Variants in NOLC1 observed in about 807,000 individuals in gnomAD.
NOLC1 encodes the protein 140 kDa nucleolar phosphoprotein.
A neutral mutation model predicts 73.4 loss-of-function variants in NOLC1; 37 were observed. That is an observed-to-expected ratio of 0.50 (90% CI 0.39 to 0.66). The LOEUF (loss-of-function observed/expected upper bound fraction) is 0.66, where lower values mean the gene tolerates loss of function less well. Ranked by LOEUF, NOLC1 falls within the 30% of genes least tolerant of loss-of-function variation. The probability of loss-of-function intolerance (pLI) is 0.00; values close to 1 mark genes in which losing one functional copy is unlikely to be tolerated. For missense variants in NOLC1, 921 were observed against 838.9 expected (o/e 1.10, Z -1.21); for synonymous variants, 327 against 302.6 (o/e 1.08, Z -0.84).
rs756861428 is a variant in NOLC1 at position 102,159,193 on chromosome 10, C to G, written c.608C>G (p.Ala203Gly). 3.7e-6 allele frequency: 6 copies of G among 1,613,250 alleles called. No homozygotes were observed. In the South Asian group the frequency reaches 6.6e-5, roughly 18 times the overall value. ...KAQTKAPPKP[A>G]RAAPKIANGK... is the part of the protein sequence containing the mutation. ...TCTTTCTTTTTCTTGGGTATTCCAG[C>G]TCGAGCAGCACCTAAAATAGCCAAT... The change falls in exon 6 of 13, where the codon GCT becomes GGT. Residue 203 changes from alanine (A) to glycine (G), a missense_variant and splice_region_variant. By Grantham distance (60) the Ala-to-Gly change is moderately conservative. Transcript: ENST00000605788.
rs752815448 is a variant in NOLC1, at chr10:102,161,592, A to G, written c.1778A>G (p.Lys593Arg). ...LKKRKQNEAA[K>R]EAETPQAKKI... ...AAGCGGAAGCAGAATGAGGCTGCCA[A>G]GGAGGCAGAGACTCCTCAGGCCAAG... Residue 593 changes from lysine to arginine, a missense_variant, in exon 11 of 13, where the codon AAG becomes AGG. Coordinates refer to ENST00000605788, the MANE Select transcript of NOLC1 (RefSeq NM_004741.5). 1.2e-5 allele frequency: 19 copies of G among 1,613,954 alleles called. No individual in the cohort carries two copies. Among genetic ancestry groups the G allele is most frequent in the Non-Finnish European group, 1.5e-5 (18 of 1,179,956 alleles).
In NOLC1 at chr10:102,160,290, C is replaced by G. The variant is rs969941546; in HGVS notation, c.1046C>G (p.Thr349Ser). 36 of 1,614,082 alleles carry G rather than the reference C, an allele frequency of 2.2e-5. No individual in the cohort carries two copies. The highest frequency in any genetic ancestry group is 3.1e-5 in the Non-Finnish European group (36 of 1,180,034). The change falls in exon 9 of 13, where the codon ACC (threonine) becomes AGC (serine). Residue 349 changes from threonine (T) to serine (S), a missense_variant. Coordinates refer to ENST00000605788, the MANE Select transcript of NOLC1 (RefSeq NM_004741.5). Reference protein sequence around the residue: ...PPTKAVVSKATTKPPPAKKAA... With the variant: ...PPTKAVVSKASTKPPPAKKAA... ...ACTAAGGCAGTAGTCTCTAAAGCAACCACTAAACCACCTCCAGCAAAGAAA... is the reference window on the plus strand; with the variant it reads ...ACTAAGGCAGTAGTCTCTAAAGCAAGCACTAAACCACCTCCAGCAAAGAAA...
chr10:102,157,544 C>A lies in NOLC1; in HGVS notation c.430C>A (p.Gln144Lys), dbSNP rs2069620498. 1.9e-6 allele frequency: 3 copies of A among 1,613,968 alleles called. No individual in the cohort carries two copies. Among genetic ancestry groups the A allele is most frequent in the Non-Finnish European group, 2.5e-6 (3 of 1,179,960 alleles). Reference sequence around the variant, plus strand: ...TGATGATGAGGAGGACCAAAAGAAACAGCCTGTCCAGGTTTGCAGCTTTGG... The same window carrying A: ...TGATGATGAGGAGGACCAAAAGAAAAAGCCTGTCCAGGTTTGCAGCTTTGG... The part of the protein sequence containing the change: ...DDDDEEDQKK[Q>K]PVQKGVKPQA... Residue 144 changes from glutamine (Q) to lysine (K), a missense_variant, in exon 4 of 13, where the codon CAG becomes AAG. By Grantham distance (53) the Gln-to-Lys change is moderately conservative (BLOSUM62 1). Transcript: ENST00000605788.
In NOLC1 at chr10:102,161,583, A is replaced by G. The variant is rs759736910; in HGVS notation, c.1769A>G (p.Glu590Gly). ...SGSLKKRKQN[E>G]AAKEAETPQA... Reference sequence around the variant, plus strand: ...TCATTAAAGAAGCGGAAGCAGAATGAGGCTGCCAAGGAGGCAGAGACTCCT... The same window carrying G: ...TCATTAAAGAAGCGGAAGCAGAATGGGGCTGCCAAGGAGGCAGAGACTCCT... The change falls in exon 11 of 13, where the codon GAG becomes GGG. Residue 590 changes from glutamate (E) to glycine (G), a missense_variant. Coordinates refer to ENST00000605788, the MANE Select transcript of NOLC1 (RefSeq NM_004741.5). 8.7e-6 allele frequency: 14 copies of G among 1,613,938 alleles called. No individual in the cohort carries two copies. Among genetic ancestry groups the G allele is most frequent in the Non-Finnish European group, 1.2e-5 (14 of 1,179,858 alleles).
Position 102,162,899 on chromosome 10 carries a change from CTGTTT to C in NOLC1, c.*635_*639del, listed in dbSNP as rs1374009831. On this transcript the variant is annotated 3_prime_UTR_variant, in exon 13 of 13. Coordinates refer to ENST00000605788, the MANE Select transcript of NOLC1 (RefSeq NM_004741.5). ...AACCTACTTTTTGGGATAAAATTCTCTGTTTTGTTACAGGCAAAATTCTGGTATGG... is the reference window on the plus strand; with the variant it reads ...AACCTACTTTTTGGGATAAAATTCTCTGTTACAGGCAAAATTCTGGTATGG... The C allele has an allele frequency of 6.6e-6, 1 of 152,170 alleles. No individual in the cohort carries two copies. Among genetic ancestry groups the C allele is most frequent in the Non-Finnish European group, 1.5e-5 (1 of 68,034 alleles). 9.4% of individuals were successfully genotyped at this position (152,170 alleles called of 1,614,324 possible). A position where few individuals can be genotyped will look rare whatever the true frequency, so the allele number is the denominator to read the frequency against.
chr10:102,154,511 ACT>A (rs1006322165), intron 1 of NOLC1, among the ~76,000 whole-genome samples: 7 of 151,436 alleles, frequency 4.6e-5, no homozygotes, highest in Non-Finnish European at 1.0e-4. Context: ...ATCTGTACTG[ACT>A]CTGATCATTT....
Position 102,152,530 on chromosome 10 carries a change from T to G in NOLC1, c.120T>G (p.Ala40=). 1.9e-6 allele frequency: 3 copies of G among 1,613,668 alleles called. No individual in the cohort carries two copies. Among genetic ancestry groups the G allele is most frequent in the Non-Finnish European group, 2.5e-6 (3 of 1,180,030 alleles). Residue 40 remains alanine (A), a splice_region_variant and synonymous_variant, in exon 1 of 13, where the codon GCT becomes GCG. Coordinates refer to ENST00000605788, the MANE Select transcript of NOLC1 (RefSeq NM_004741.5). The stretch of plus-strand genomic sequence containing the variant: ...ATAAGTTCGCCAAAGCGACAGGAGC[T>G]GTGAGTTCCGGGCTTGGGGCGGGGA... ...VANKFAKATG[A]TQQDANASSL...
At position 102,159,580 on chromosome 10, in the gene NOLC1, T is replaced by C. The variant is rs965655548; in HGVS notation, c.859+12T>C. 3 of 1,612,396 alleles carry C rather than the reference T, an allele frequency of 1.9e-6. 1 individual carries two copies. Among genetic ancestry groups the C allele is most frequent in the South Asian group, 2.2e-5 (2 of 90,962 alleles). The stretch of plus-strand genomic sequence containing the variant: ...GAAAAATAAACCAGGTGACTGGACA[T>C]GGGGAGCGAAGCTGTGTGACTGTGG... On this transcript the variant is annotated intron_variant, in intron 7 of 12. Coordinates refer to ENST00000605788, the MANE Select transcript of NOLC1 (RefSeq NM_004741.5).
chr10:102,153,475 A>G lies in NOLC1; in HGVS notation c.120+945A>G, dbSNP rs12412176. On this transcript the variant is annotated intron_variant, in intron 1 of 12. Coordinates refer to ENST00000605788, the MANE Select transcript of NOLC1 (RefSeq NM_004741.5). ...AGGGATGATAGCATGACTAGGAAGG[A>G]TGGCTTGCACTTTTAGCAGAATCAG... 7.9e-3 allele frequency among the ~76,000 whole-genome samples: 1,196 copies of G among 152,320 alleles called. 25 individuals are homozygous for G. Among genetic ancestry groups the G allele is most frequent in the East Asian group, 0.07 (364 of 5,178 alleles).
chr10:102,161,973 CAG>C, intron 12 of NOLC1, 48 bp downstream of exon 12: 3 of 1,602,530 alleles, frequency 1.9e-6, no homozygotes, highest in Non-Finnish European at 2.6e-6. Context: ...TGGGTAGTGT[CAG>C]AGAGGACAAT....
At position 102,157,546 on chromosome 10, in the gene NOLC1, G is replaced by A; in HGVS notation, c.432G>A (p.Gln144=). 1 of 1,613,986 alleles carries A rather than the reference G, an allele frequency of 6.2e-7. No individual in the cohort carries two copies. Among genetic ancestry groups the A allele is most frequent in the Non-Finnish European group, 8.5e-7 (1 of 1,179,960 alleles). Residue 144 remains glutamine (Q), a synonymous_variant, in exon 4 of 13, where the codon CAG becomes CAA. Transcript: ENST00000605788. ...DDDDEEDQKK[Q]PVQKGVKPQA... ...ATGATGAGGAGGACCAAAAGAAACA[G>A]CCTGTCCAGGTTTGCAGCTTTGGGA...
chr10:102,159,365 C>T (rs2069658764), intron 6 of NOLC1, 57 bp downstream of exon 6: 1 of 1,613,398 alleles, frequency 6.2e-7, no homozygotes, highest in Non-Finnish European at 8.5e-7. Context: ...GTGTGTGTGT[C>T]TTCCTTCCCT....
intron 1 of NOLC1, among the ~76,000 whole-genome samples, chr10:102,153,672 C>CTTTT (rs56074108): frequency 9.1e-5 from 8 of 88,164 alleles, no homozygotes; most frequent in African/African-American, 1.2e-4. Context: ...AATTAGGATT[C>CTTTT]TTTTTTTTTT....
chr10:102,158,402 G>C (rs1011295590), intron 5 of NOLC1, among the ~76,000 whole-genome samples, 188 bp downstream of exon 5: 1 of 152,134 alleles, frequency 6.6e-6, no homozygotes, highest in Admixed American at 6.5e-5. Flanking sequence ...AGTAAATAGA[G>C]AAAGTTATTG....
chr10:102,158,274 T>C, intron 5 of NOLC1, 60 bp downstream of exon 5: 1 of 1,493,858 alleles, frequency 6.7e-7, no homozygotes, highest in Admixed American at 1.9e-5. Context: ...GGACTGGAGT[T>C]AAAATTGCCG....
rs1244018822 is a variant in NOLC1, at chr10:102,162,525, G to A, written c.*256G>A. On this transcript the variant is annotated 3_prime_UTR_variant, in exon 13 of 13. Transcript: ENST00000605788. Reference sequence around the variant, plus strand: ...TTTTTTAAGAAAATTCATTTTCATTGTTGTCTCCTTCCTTTTCTGTGAAAG... The same window carrying A: ...TTTTTTAAGAAAATTCATTTTCATTATTGTCTCCTTCCTTTTCTGTGAAAG... The A allele has an allele frequency of 3.3e-6, 1 of 301,890 alleles. No individual in the cohort carries two copies. Among genetic ancestry groups the A allele is most frequent in the Admixed American group, 4.8e-5 (1 of 20,772 alleles). 18.7% of individuals were successfully genotyped at this position (301,890 alleles called of 1,614,324 possible).
chr10:102,159,184 G>T lies in NOLC1; in HGVS notation c.608-9G>T. 2.5e-6 allele frequency: 4 copies of T among 1,612,606 alleles called. No homozygotes were observed. The highest frequency in any genetic ancestry group is 3.4e-6 in the Non-Finnish European group (4 of 1,179,654). On this transcript the variant is annotated splice_polypyrimidine_tract_variant and intron_variant, in intron 5 of 12. Transcript: ENST00000605788. Reference sequence around the variant, plus strand: ...ACTCCTTACTCTTTCTTTTTCTTGGGTATTCCAGCTCGAGCAGCACCTAAA... The same window carrying T: ...ACTCCTTACTCTTTCTTTTTCTTGGTTATTCCAGCTCGAGCAGCACCTAAA...
chr10:102,159,104 C>T lies in NOLC1; in HGVS notation c.608-89C>T. Reference sequence around the variant, plus strand: ...AAAAAAAAAAAAAAAATGGTGGACTCCTAAGTTCTCTGCTCATAGGAAGGA... The same window carrying T: ...AAAAAAAAAAAAAAAATGGTGGACTTCTAAGTTCTCTGCTCATAGGAAGGA... On this transcript the variant is annotated intron_variant, in intron 5 of 12. Coordinates refer to ENST00000605788, the MANE Select transcript of NOLC1 (RefSeq NM_004741.5). The T allele has an allele frequency of 5.2e-6, 5 of 956,748 alleles. No homozygotes were observed. The South Asian group carries it at 8.1e-5, about 15-fold the overall frequency. The allele number at this position is 956,748 out of a possible 1,614,324, so 59.3% of individuals were successfully genotyped here. A position where few individuals can be genotyped will look rare whatever the true frequency, so the allele number is the denominator to read the frequency against.
chr10:102,156,931 T>G, intron 1 of NOLC1, 88 bp from the exon 2 acceptor site: 1 of 1,221,820 alleles, frequency 8.2e-7, no homozygotes, highest in Non-Finnish European at 1.2e-6. Flanking sequence ...TATACCAAAT[T>G]TAGTAATTAT....
Sources: gnomAD v4.1 joint callset for allele counts (sites outside exome capture counted in the v4.1 genomes callset) on GRCh38, gnomAD v4.1.1 for gene constraint, MANE v1.5 for transcripts, NCBI Gene and HGNC (gene_info 2026-07-23, HGNC 2026-07-21) for gene names.